Variants in TPTE observed in about 807,000 individuals in gnomAD.
The protein encoded by TPTE is putative tyrosine-protein phosphatase TPTE.
Under a neutral mutation model 84.1 loss-of-function variants are expected in TPTE, and 59 were observed. The ratio of observed to expected loss-of-function variants is 0.70; its 90% confidence interval spans 0.57 to 0.87. TPTE has a LOEUF of 0.87. Ranked by LOEUF, TPTE falls within the 40% of genes least tolerant of loss-of-function variation. The pLI, the probability that TPTE is intolerant of heterozygous loss-of-function variation, is 0.00. For synonymous variants in TPTE, 130 were observed against 223.5 expected, an observed-to-expected ratio of 0.58 and a Z score of 3.73; for missense variants, 382 against 659.6, an observed-to-expected ratio of 0.58 and a Z score of 4.61.
chr21:10,586,225 T>A (rs2075363240), intron 17 of TPTE, among the ~76,000 whole-genome samples: 1 of 152,308 alleles, frequency 6.6e-6, no homozygotes, highest in Non-Finnish European at 1.5e-5. Flanking sequence ...AAGAATTGCT[T>A]TAGTTTCGTC....
chr21:10,604,251 A>G (rs1161153970), intron 23 of TPTE, among the ~76,000 whole-genome samples: 1 of 152,302 alleles, frequency 6.6e-6, no homozygotes, highest in Non-Finnish European at 1.5e-5. Flanking sequence ...ACCTTCTGCC[A>G]TATTTGGAAA....
In TPTE at chr21:10,559,985, A is replaced by C. The variant is rs367586765; in HGVS notation, c.284+441A>C. Among the ~76,000 whole-genome samples, 28 of 152,342 alleles carry C rather than the reference A, an allele frequency of 1.8e-4. No individual in the cohort carries two copies. In the East Asian group the frequency reaches 5.1e-3, roughly 28 times the overall value. On this transcript the variant is annotated intron_variant, in intron 9 of 23. Coordinates refer to ENST00000618007, the MANE Select transcript of TPTE (RefSeq NM_199261.4). The stretch of plus-strand genomic sequence containing the variant: ...CAATGAGAAATACTGAAATAAAATA[A>C]CAAAAAAGCATTTCCACTGTCCATC...
intron 2 of TPTE, among the ~76,000 whole-genome samples, chr21:10,527,138 C>CTG (rs2074093734): frequency 7.8e-6 from 1 of 127,718 alleles, no homozygotes; most frequent in South Asian, 2.4e-4. Context: ...TGTCCCCTCT[C>CTG]TCTCTCTCTC....
At chr21:10,576,241 T>C (rs1214596507) in intron 14 of TPTE, 20 of 179,504 alleles carry the variant, frequency 1.1e-4, no homozygotes, top group Non-Finnish European at 2.1e-4. Flanking sequence ...GACATCTGGC[T>C]TCTGAGCGGG....
intron 7 of TPTE, among the ~76,000 whole-genome samples, chr21:10,551,748 G>T (rs1412949958): frequency 6.6e-6 from 1 of 152,288 alleles, no homozygotes; most frequent in Non-Finnish European, 1.5e-5. Context: ...GATAATGACA[G>T]AAATAAAAAT....
intron 7 of TPTE, among the ~76,000 whole-genome samples, chr21:10,544,293 G>T (rs192969616): frequency 1.3e-5 from 2 of 152,310 alleles, no homozygotes; most frequent in Admixed American, 6.5e-5. Flanking sequence ...TGTGAGTTTT[G>T]TATGTAGTAT....
chr21:10,570,975 C>T lies in TPTE; in HGVS notation c.795+426C>T, dbSNP rs12627296. On this transcript the variant is annotated intron_variant, in intron 14 of 23. Transcript: ENST00000618007. ...CACCCCCCAAGGCCCAAGGCCCATC[C>T]CATCTGGCACCCACTGCTGCCAACA... Among the ~76,000 whole-genome samples, 250 of 151,568 alleles carry T rather than the reference C, an allele frequency of 1.6e-3. No homozygotes were observed. The East Asian group carries it at 0.046, about 28-fold the overall frequency.
intron 3 of TPTE, among the ~76,000 whole-genome samples, chr21:10,528,478 C>G (rs1247643462): frequency 6.6e-6 from 1 of 152,302 alleles, no homozygotes; most frequent in African/African-American, 2.4e-5. Context: ...CTTTTAGATT[C>G]AAGGAATTTT....
chr21:10,603,601 T>C lies in TPTE; in HGVS notation c.1489T>C (p.Trp497Arg). The part of the protein sequence containing the change: ...TYYDNCSFYF[W>R]LHTSFIENNR... Reference sequence around the variant, plus strand: ...CTATGACAATTGCTCATTTTACTTCTGGTTGCACACATCTTTTATTGAAAA... The same window carrying C: ...CTATGACAATTGCTCATTTTACTTCCGGTTGCACACATCTTTTATTGAAAA... Residue 497 changes from tryptophan to arginine, a missense_variant, in exon 23 of 24, where the codon TGG (tryptophan) becomes CGG (arginine). Physicochemically the swap from Trp to Arg is moderately radical, Grantham distance 101 (BLOSUM62 -3). Coordinates refer to ENST00000618007, the MANE Select transcript of TPTE (RefSeq NM_199261.4). 1.9e-6 allele frequency: 3 copies of C among 1,612,582 alleles called. No homozygotes were observed. The highest frequency in any genetic ancestry group is 2.5e-6 in the Non-Finnish European group (3 of 1,178,874).
At chr21:10,573,083 G>T (rs1356308227) in intron 14 of TPTE, among the ~76,000 whole-genome samples, 3 of 150,680 alleles carry the variant, frequency 2.0e-5, no homozygotes, top group African/African-American at 7.4e-5. Flanking sequence ...AGACCCAACT[G>T]TATGCTGCCT....
intron 21 of TPTE, among the ~76,000 whole-genome samples, chr21:10,599,831 GTTCTTTCTTTCCTTCCT>G (rs2075655959): frequency 7.0e-6 from 1 of 142,574 alleles, no homozygotes; most frequent in African/African-American, 2.5e-5. Flanking sequence ...TAGTTAGTTG[GTTCTTTCTTTCCTTCCT>G]TTCTTCCTTT....
chr21:10,540,423 A>G (rs2074348141), intron 4 of TPTE, among the ~76,000 whole-genome samples: 1 of 152,306 alleles, frequency 6.6e-6, no homozygotes, highest in Non-Finnish European at 1.5e-5. Flanking sequence ...GAACTCATAG[A>G]GGGAGGCTTT....
chr21:10,527,779 G>A (rs536814276), intron 3 of TPTE, among the ~76,000 whole-genome samples: 167 of 152,362 alleles, frequency 1.1e-3, no homozygotes, highest in Non-Finnish European at 2.2e-3. Context: ...CAGAGCTGGT[G>A]CCCCAAACTC....
intron 15 of TPTE, among the ~76,000 whole-genome samples, 153 bp from the exon 16 acceptor site, chr21:10,578,184 G>C (rs1828006): frequency 1.3e-5 from 2 of 152,060 alleles, no homozygotes; most frequent in Admixed American, 6.5e-5. Context: ...TTTTTGAAAC[G>C]CTTGCGTTTA....
intron 8 of TPTE, among the ~76,000 whole-genome samples, chr21:10,558,807 C>A (rs1199395984): frequency 6.6e-5 from 10 of 152,096 alleles, no homozygotes; most frequent in African/African-American, 2.2e-4. Context: ...TTCAGTAGGA[C>A]AAAAAAAATT....
At chr21:10,582,704 G>T (rs2075291935) in intron 17 of TPTE, among the ~76,000 whole-genome samples, 1 of 152,306 alleles carries the variant, frequency 6.6e-6, no homozygotes, top group Non-Finnish European at 1.5e-5. Context: ...CATTTGGGTT[G>T]TTTCCAATTT....
At chr21:10,561,533 G>A (rs1487602508) in intron 10 of TPTE, among the ~76,000 whole-genome samples, 2 of 152,276 alleles carry the variant, frequency 1.3e-5, no homozygotes, top group Non-Finnish European at 2.9e-5. Context: ...ATTAACGGGA[G>A]CATTCACTAC....
intron 7 of TPTE, among the ~76,000 whole-genome samples, chr21:10,547,070 A>G (rs1282340466): frequency 7.2e-5 from 11 of 152,302 alleles, no homozygotes; most frequent in Non-Finnish European, 1.6e-4. Context: ...TCTTCAAAGC[A>G]CAGGCCAATT....
intron 21 of TPTE, among the ~76,000 whole-genome samples, chr21:10,600,062 C>T (rs1470714747): frequency 2.6e-5 from 4 of 152,302 alleles, no homozygotes; most frequent in South Asian, 2.1e-4. Flanking sequence ...ACCTCAGCCT[C>T]ACAAGATGCT....
Sources: allele counts gnomAD v4.1 joint callset (sites outside exome capture counted in the v4.1 genomes callset), GRCh38; gene constraint gnomAD v4.1.1; transcripts MANE v1.5; gene names NCBI Gene and HGNC (gene_info 2026-07-23, HGNC 2026-07-21).